UACA: variants seen among roughly 807,000 people sequenced by gnomAD.
UACA encodes the protein nuclear membrane binding protein.
In UACA, 112 loss-of-function variants were observed where a neutral mutation model predicts 160.5. The ratio of observed to expected loss-of-function variants is 0.70; its 90% CI spans 0.60 to 0.82. UACA has a LOEUF of 0.82. Ranked by LOEUF, UACA falls within the 40% of genes least tolerant of loss-of-function variation. The pLI is 0.00. For missense variants in UACA, 1,574 were observed against 1,614.6 expected (o/e 0.97, Z 0.43); for synonymous variants, 557 against 568.4 (o/e 0.98, Z 0.29).
chr15:70,735,147 T>TA (rs1555415817), intron 1 of UACA, among the ~76,000 whole-genome samples: 1,668 of 3,120 alleles, frequency 0.53, 606 homozygotes, highest in East Asian at 0.78. Context: ...TAGAGTATAA[T>TA]AAAAAAAAAA....
chr15:70,671,874 T>G (rs1238196530), intron 14 of UACA, 91 bp downstream of exon 14: 95 of 1,072,546 alleles, frequency 8.9e-5, no homozygotes, highest in Non-Finnish European at 7.5e-5. Context: ...TCTTGTACAG[T>G]TATTCCTGTA....
At chr15:70,737,630 C>T (rs1279763286) in intron 1 of UACA, among the ~76,000 whole-genome samples, 2 of 152,088 alleles carry the variant, frequency 1.3e-5, no homozygotes, top group Non-Finnish European at 2.9e-5. Flanking sequence ...ATCGCTTGAA[C>T]CAAGAAGGCA....
chr15:70,778,666 A>G, the UACA span: 1 of 152,348 alleles, frequency 6.6e-6, no homozygotes, highest in East Asian at 1.9e-4. Context: ...TGCCCTGTAT[A>G]TGGTAATTTA....
At chr15:70,772,289 C>T in the UACA span, among the ~76,000 whole-genome samples, 2 of 151,532 alleles carry the variant, frequency 1.3e-5, no homozygotes, top group Non-Finnish European at 2.9e-5. Context: ...GTCAGGAGAT[C>T]GAGACCATCC....
rs537280966 is a variant in UACA at position 70,701,499 on chromosome 15, GA to G, written c.79-1840del. Among the ~76,000 whole-genome samples the G allele has an allele frequency of 2.0e-5, 3 of 152,074 alleles. No individual in the cohort carries two copies. The East Asian group carries it at 5.8e-4, about 29-fold the overall frequency. On this transcript the variant is annotated intron_variant, in intron 1 of 18. Transcript: ENST00000322954. ...TTATTTCCAAGTAAACTTGCTGGTG[GA>G]AAAAAGAGCCATTTAAATCACCACA...
intron 1 of UACA, among the ~76,000 whole-genome samples, chr15:70,723,926 C>T: frequency 6.6e-6 from 1 of 152,224 alleles, no homozygotes; most frequent in South Asian, 2.1e-4. Flanking sequence ...GCCACCACGC[C>T]TGGCCTTGAA....
chr15:70,749,082 G>A, intron 1 of UACA: 1 of 198,268 alleles, frequency 5.0e-6, no homozygotes, highest in South Asian at 6.9e-5. Flanking sequence ...ATATGAGTGA[G>A]TGTGCATTTA....
At chr15:70,715,262 T>C (rs1433880556) in intron 1 of UACA, among the ~76,000 whole-genome samples, 9 of 152,306 alleles carry the variant, frequency 5.9e-5, no homozygotes, top group Admixed American at 3.3e-4. Flanking sequence ...TTTTAACAAA[T>C]ATTTTTGCCA....
At chr15:70,663,082 A>C (rs557235087) in intron 17 of UACA, among the ~76,000 whole-genome samples, 1 of 152,246 alleles carries the variant, frequency 6.6e-6, no homozygotes, top group Non-Finnish European at 1.5e-5. Flanking sequence ...GGCAACCTAC[A>C]GAATGGGAGA....
At chr15:70,689,168 T>C (rs1280097524) in intron 5 of UACA, among the ~76,000 whole-genome samples, 1 of 152,138 alleles carries the variant, frequency 6.6e-6, no homozygotes, top group Admixed American at 6.5e-5. Flanking sequence ...TGCTTCAACC[T>C]TGCAGTTAAG....
At chr15:70,679,867 A>T in intron 9 of UACA, 191 bp from the exon 10 acceptor site, 1 of 335,792 alleles carries the variant, frequency 3.0e-6, no homozygotes. Flanking sequence ...GTTTTAAATA[A>T]ATCAAGTATA....
At chr15:70,699,683 TA>T in intron 1 of UACA, 23 bp from the exon 2 acceptor site, 5 of 1,604,528 alleles carry the variant, frequency 3.1e-6, no homozygotes, top group South Asian at 1.1e-5. Context: ...AAAAAAAAAG[TA>T]AATATGGCAT....
chr15:70,676,706 T>C, intron 12 of UACA, 115 bp from the exon 13 acceptor site: 1 of 759,680 alleles, frequency 1.3e-6, no homozygotes, highest in South Asian at 1.8e-5. Flanking sequence ...TAATGAATTC[T>C]CCAACCTGGT....
chr15:70,663,520 A>G (rs1351515164), intron 17 of UACA, among the ~76,000 whole-genome samples: 2 of 152,198 alleles, frequency 1.3e-5, no homozygotes, highest in South Asian at 2.1e-4. Context: ...TATATACCCA[A>G]AGGATTATAG....
intron 1 of UACA, among the ~76,000 whole-genome samples, chr15:70,713,939 C>T (rs1302119642): frequency 2.0e-5 from 3 of 152,114 alleles, no homozygotes; most frequent in African/African-American, 7.2e-5. Flanking sequence ...CATAAAGTCA[C>T]CATCCTCCAG....
At chr15:70,748,622 T>A (rs1899784798) in intron 1 of UACA, among the ~76,000 whole-genome samples, 1 of 152,052 alleles carries the variant, frequency 6.6e-6, no homozygotes, top group Non-Finnish European at 1.5e-5. Context: ...TACCTGCCCC[T>A]ACCCCTCCCT....
At position 70,667,562 on chromosome 15, in the gene UACA, T is replaced by C. The variant is rs1453756158; in HGVS notation, c.3122A>G (p.Gln1041Arg). 6.2e-7 allele frequency: 1 copy of C among 1,612,876 alleles called. No homozygotes were observed. The highest frequency in any genetic ancestry group is 2.2e-5 in the East Asian group (1 of 44,884). Residue 1041 changes from glutamine to arginine, a missense_variant, in exon 16 of 19, where the codon CAG (glutamine) becomes CGG (arginine). Gln to Arg is a conservative substitution (Grantham distance 43, BLOSUM62 1). Coordinates refer to ENST00000322954, the MANE Select transcript of UACA (RefSeq NM_018003.4). ...AACTGTCTTATCTCTCAAATCTTTC[T>C]GAAGGGTAAAAATCTCCTTCTTTAA... ...DKLKKEIFTL[Q>R]KDLRDKTVLI...
chr15:70,709,579 C>T (rs1487406266), intron 1 of UACA, among the ~76,000 whole-genome samples: 3 of 152,080 alleles, frequency 2.0e-5, no homozygotes, highest in African/African-American at 7.2e-5. Context: ...AGAGATACCC[C>T]ATAATTCCAC....
At chr15:70,692,959 T>A (rs1440004860) in intron 3 of UACA, among the ~76,000 whole-genome samples, 1 of 152,166 alleles carries the variant, frequency 6.6e-6, no homozygotes, top group African/African-American at 2.4e-5. Context: ...GGTTTTTCAA[T>A]AAGTACAGAT....
Sources: gnomAD v4.1 joint callset for allele counts (sites outside exome capture counted in the v4.1 genomes callset) on GRCh38, gnomAD v4.1.1 for gene constraint, MANE v1.5 for transcripts, NCBI Gene and HGNC (gene_info 2026-07-23, HGNC 2026-07-21) for gene names.